The following LCA5L variants were observed in gnomAD, a reference collection of about 807,000 sequenced individuals.
LCA5L encodes lebercilin LCA5 like, also known as lebercilin-like protein.
Under a neutral mutation model 45.4 loss-of-function variants are expected in LCA5L, and 35 were observed. The ratio of observed to expected loss-of-function variants is 0.77; its 90% CI spans 0.59 to 1.02. The LOEUF (loss-of-function observed/expected upper bound fraction) is 1.02, where lower values mean the gene tolerates loss of function less well. Among genes scored for constraint, LCA5L ranks in the 50% least tolerant of loss-of-function variants. LCA5L has a pLI of 0.00. For missense variants in LCA5L, 668 were observed against 761.6 expected, an observed-to-expected ratio of 0.88 and a Z score of 1.45; for synonymous variants, 233 against 264.7, an observed-to-expected ratio of 0.88 and a Z score of 1.16.
intron 3 of LCA5L, among the ~76,000 whole-genome samples, chr21:39,432,629 C>A (rs2075854120): frequency 6.6e-6 from 1 of 152,168 alleles, no homozygotes; most frequent in South Asian, 2.1e-4. Flanking sequence ...CATAATCTCC[C>A]AAAGCCTCCC....
intron 6 of LCA5L, chr21:39,421,588 A>G (rs2073776958): frequency 6.6e-6 from 1 of 152,216 alleles, no homozygotes; most frequent in South Asian, 2.1e-4. Context: ...AATGAGAACT[A>G]TTTTATTGGA....
chr21:39,424,866 G>C (rs757944578), intron 5 of LCA5L, among the ~76,000 whole-genome samples: 19 of 152,174 alleles, frequency 1.2e-4, no homozygotes, highest in Non-Finnish European at 2.2e-4. Context: ...AATTGAATTT[G>C]AGTATGTTAA....
chr21:39,405,808 C>T lies in LCA5L; in HGVS notation c.*74G>A. The T allele has an allele frequency of 2.6e-6, 3 of 1,163,090 alleles. No homozygotes were observed. The highest frequency in any genetic ancestry group is 1.7e-5 in the South Asian group (1 of 59,060). The allele number at this position is 1,163,090 out of a possible 1,614,324, so 72.0% of individuals were successfully genotyped here. The stretch of plus-strand genomic sequence containing the variant: ...ACATACATACACTCCCTCTCTCACA[C>T]ATTTCAAAAATAAGATGCAAGGCAC... On this transcript the variant is annotated 3_prime_UTR_variant, in exon 11 of 11. Transcript: ENST00000288350.
rs1183189066 is a variant in LCA5L at position 39,423,610 on chromosome 21, G to GT, written c.323-121dup. On this transcript the variant is annotated intron_variant, in intron 5 of 10. Coordinates refer to ENST00000288350, the MANE Select transcript of LCA5L (RefSeq NM_152505.4). The stretch of plus-strand genomic sequence containing the variant: ...ACACACCACACACATACACACAAGC[G>GT]TAAGTGTAACTAGAAGGGGACAAAA... 14 of 804,744 alleles carry GT rather than the reference G, an allele frequency of 1.7e-5. No homozygotes were observed. The South Asian group carries it at 1.9e-4, about 11-fold the overall frequency. 49.9% of individuals were successfully genotyped at this position (804,744 alleles called of 1,614,324 possible). A position where few individuals can be genotyped will look rare whatever the true frequency, so the allele number is the denominator to read the frequency against.
chr21:39,440,258 GAAGA>G (rs2076698420), intron 2 of LCA5L, among the ~76,000 whole-genome samples: 1 of 152,146 alleles, frequency 6.6e-6, no homozygotes, highest in South Asian at 2.1e-4. Context: ...CAGGCAAAGA[GAAGA>G]AAGGCTGGTG....
chr21:39,418,929 G>A (rs574509663), intron 7 of LCA5L, among the ~76,000 whole-genome samples: 2 of 152,260 alleles, frequency 1.3e-5, no homozygotes, highest in South Asian at 4.1e-4. Flanking sequence ...AGGGGATCTT[G>A]AAGTCTCTTC....
chr21:39,439,297 G>A (rs1341176131), intron 2 of LCA5L, among the ~76,000 whole-genome samples: 1 of 152,190 alleles, frequency 6.6e-6, no homozygotes, highest in East Asian at 1.9e-4. Flanking sequence ...CCTCTAGAAG[G>A]AATCAGTCCT....
At chr21:39,431,966 T>C (rs1207301190) in intron 3 of LCA5L, among the ~76,000 whole-genome samples, 2 of 152,226 alleles carry the variant, frequency 1.3e-5, no homozygotes, top group African/African-American at 2.4e-5. Context: ...TTCAGATTAA[T>C]TGCTGTGTTC....
rs529310139 is a variant in LCA5L at position 39,433,791 on chromosome 21, GTCT to G, written c.-92+1626_-92+1628del. ...TTTTTTTTTTTTTTTTTGAGAGAGGGTCTTCTTCTATTGCCCAGGCTGGAGTGC... is the reference window on the plus strand; with the variant it reads ...TTTTTTTTTTTTTTTTTGAGAGAGGGTCTTCTATTGCCCAGGCTGGAGTGC... On this transcript the variant is annotated intron_variant, in intron 3 of 10. Coordinates refer to ENST00000288350, the MANE Select transcript of LCA5L (RefSeq NM_152505.4). Among the ~76,000 whole-genome samples, 597 of 148,674 alleles carry G rather than the reference GTCT, an allele frequency of 4.0e-3. 5 individuals are homozygous for G. Among genetic ancestry groups the G allele is most frequent in the African/African-American group, 0.014 (578 of 40,306 alleles).
intron 5 of LCA5L, among the ~76,000 whole-genome samples, chr21:39,424,491 A>C (rs190422819): frequency 9.3e-4 from 141 of 152,326 alleles, no homozygotes; most frequent in Admixed American, 3.5e-3. Flanking sequence ...AAAAACAAAC[A>C]AACCAACCCC....
chr21:39,437,408 T>C (rs2076389608), intron 2 of LCA5L, among the ~76,000 whole-genome samples: 1 of 152,198 alleles, frequency 6.6e-6, no homozygotes, highest in Non-Finnish European at 1.5e-5. Flanking sequence ...TATATACTTA[T>C]AAAACACTAT....
At chr21:39,426,142 C>CT (rs1179317143) in intron 5 of LCA5L, 1 of 152,174 alleles carries the variant, frequency 6.6e-6, no homozygotes, top group Non-Finnish European at 1.5e-5. Context: ...CCAAACGTGT[C>CT]TGAGATTGAC....
intron 5 of LCA5L, among the ~76,000 whole-genome samples, chr21:39,427,015 CTA>C (rs574625619): frequency 1.9e-4 from 29 of 152,202 alleles, no homozygotes; most frequent in Non-Finnish European, 4.0e-4. Context: ...AATCCCTGTG[CTA>C]TAGCAGGGGA....
chr21:39,439,097 T>C (rs371566128), intron 2 of LCA5L, among the ~76,000 whole-genome samples: 12 of 152,290 alleles, frequency 7.9e-5, no homozygotes, highest in African/African-American at 2.6e-4. Flanking sequence ...GGACCTAATG[T>C]AATCACATGG....
rs756208932 is a variant in LCA5L, at chr21:39,406,082, A to T, written c.1813T>A (p.Ser605Thr). The T allele has an allele frequency of 9.3e-6, 15 of 1,614,088 alleles. No individual in the cohort carries two copies. In the Admixed American group the frequency reaches 1.5e-4, roughly 16 times the overall value. Residue 605 changes from serine to threonine, a missense_variant, in exon 11 of 11, where the codon TCA becomes ACA. By Grantham distance (58) the Ser-to-Thr change is moderately conservative (BLOSUM62 1). Coordinates refer to ENST00000288350, the MANE Select transcript of LCA5L (RefSeq NM_152505.4). Reference sequence around the variant, plus strand: ...TGGTCAGTTTTCAAGACATAGCCTGATCCAAAGAGTTCTTCCATGAGACTG... The same window carrying T: ...TGGTCAGTTTTCAAGACATAGCCTGTTCCAAAGAGTTCTTCCATGAGACTG... ...KSSLMEELFG[S>T]GYVLKTDQSS...
At chr21:39,428,049 T>C in intron 5 of LCA5L, 123 bp downstream of exon 5, 2 of 658,324 alleles carry the variant, frequency 3.0e-6, no homozygotes, top group Non-Finnish European at 5.5e-6. Flanking sequence ...AGTTCACCTA[T>C]AATACACATT....
In LCA5L at chr21:39,406,214, T is replaced by C. The variant is rs1172060696; in HGVS notation, c.1681A>G (p.Asn561Asp). 1 of 1,614,234 alleles carries C rather than the reference T, an allele frequency of 6.2e-7. No individual in the cohort carries two copies. Among genetic ancestry groups the C allele is most frequent in the South Asian group, 1.1e-5 (1 of 91,088 alleles). Reference sequence around the variant, plus strand: ...TGCTCTAGCTCCATTTCCTCTCTGTTACTGAGATGCTTGCCTGTACTATGA... The same window carrying C: ...TGCTCTAGCTCCATTTCCTCTCTGTCACTGAGATGCTTGCCTGTACTATGA... ...YSHSTGKHLSNREEMELEHSD... is the reference protein window; with the variant it reads ...YSHSTGKHLSDREEMELEHSD... Residue 561 changes from asparagine to aspartate, a missense_variant, in exon 11 of 11, where the codon AAC (asparagine) becomes GAC (aspartate). Transcript: ENST00000288350.
In LCA5L at chr21:39,423,260, C is replaced by T. The variant is rs1350368697; in HGVS notation, c.553G>A (p.Ala185Thr). 3 of 1,610,000 alleles carry T rather than the reference C, an allele frequency of 1.9e-6. No individual in the cohort carries two copies. Among genetic ancestry groups the T allele is most frequent in the African/African-American group, 1.3e-5 (1 of 74,598 alleles). The change falls in exon 6 of 11, where the codon GCT becomes ACT. Residue 185 changes from alanine (A) to threonine (T), a missense_variant. Coordinates refer to ENST00000288350, the MANE Select transcript of LCA5L (RefSeq NM_152505.4). ...TGTGAATTCTCATATTTTCCTATAG[C>T]TTTCAAATGCCTAAGCTGAAGTTGT... is the stretch of plus-strand genomic sequence containing the variant. ...LKQLQLRHLK[A>T]IGKYENSQNN...
chr21:39,406,449 G>T lies in LCA5L; in HGVS notation c.1446C>A (p.Ser482Arg). 6.2e-7 allele frequency: 1 copy of T among 1,613,908 alleles called. No individual in the cohort carries two copies. ...IIEVIHPERESNQEDVLVREK... is the reference protein window; with the variant it reads ...IIEVIHPERERNQEDVLVREK... ...CTCTTACTAGAACATCTTCTTGATT[G>T]CTTTCTCTTTCAGGATGAATAACTT... Residue 482 changes from serine to arginine, a missense_variant, in exon 11 of 11, where the codon AGC becomes AGA. Physicochemically the swap from Ser to Arg is moderately radical, Grantham distance 110. Transcript: ENST00000288350.
Sources: gnomAD v4.1 joint callset for allele counts (sites outside exome capture counted in the v4.1 genomes callset) on GRCh38, gnomAD v4.1.1 for gene constraint, MANE v1.5 for transcripts, NCBI Gene and HGNC (gene_info 2026-07-23, HGNC 2026-07-21) for gene names.